The following FOXO1 variants were observed in gnomAD, a reference collection of about 807,000 sequenced individuals.
FOXO1 encodes the protein forkhead box O1.
A neutral mutation model predicts 44.1 loss-of-function variants in FOXO1; 6 were observed. The ratio of observed to expected loss-of-function variants is 0.14; its 90% confidence interval spans 0.07 to 0.27. FOXO1 has a LOEUF of 0.27. Among genes scored for constraint, FOXO1 ranks in the 10% least tolerant of loss-of-function variants. FOXO1 has a pLI of 1.00. For missense variants in FOXO1, 737 were observed against 888.8 expected (o/e 0.83, Z 2.17); for synonymous variants, 380 against 362.7 (o/e 1.05, Z -0.54).
intron 1 of FOXO1, among the ~76,000 whole-genome samples, chr13:40,567,916 C>T (rs551207665): frequency 7.6e-4 from 115 of 151,908 alleles, no homozygotes; most frequent in Middle Eastern, 6.8e-3. Context: ...TGCAGTGAGC[C>T]GAGATCGCAC....
At chr13:40,630,610 G>T (rs1009166447) in intron 1 of FOXO1, among the ~76,000 whole-genome samples, 1 of 151,574 alleles carries the variant, frequency 6.6e-6, no homozygotes, top group Non-Finnish European at 1.5e-5. Flanking sequence ...GGCCGAGATC[G>T]CGCCACTGCA....
intron 1 of FOXO1, among the ~76,000 whole-genome samples, chr13:40,635,496 T>C (rs1383178395): frequency 2.6e-5 from 4 of 152,158 alleles, no homozygotes; most frequent in Non-Finnish European, 5.9e-5. Flanking sequence ...ACTGAGTCAG[T>C]TTTCAAAATA....
chr13:40,604,161 A>G (rs1875913277), intron 1 of FOXO1, among the ~76,000 whole-genome samples: 1 of 152,100 alleles, frequency 6.6e-6, no homozygotes, highest in Non-Finnish European at 1.5e-5. Flanking sequence ...GAATTAGCCT[A>G]AATTTTGCAA....
intron 1 of FOXO1, among the ~76,000 whole-genome samples, chr13:40,642,906 T>C (rs1877396498): frequency 6.6e-6 from 1 of 152,098 alleles, no homozygotes; most frequent in South Asian, 2.1e-4. Context: ...TGAGATCCTC[T>C]CCCAAAAATA....
rs1171060973 is a variant in FOXO1, at chr13:40,619,484, A to C, written c.630+46099T>G. On this transcript the variant is annotated intron_variant, in intron 1 of 2. Transcript: ENST00000379561. ...AGTCGAACAAACTCGAACAGTGGAG[A>C]GTTTCGGTTTAGTTTGGAAATCCAC... The C allele has an allele frequency of 5.4e-6, 7 of 1,298,284 alleles. No individual in the cohort carries two copies. In the East Asian group the frequency reaches 1.6e-4, roughly 31 times the overall value. The allele number at this position is 1,298,284 out of a possible 1,614,324, so 80.4% of individuals were successfully genotyped here.
intron 1 of FOXO1, among the ~76,000 whole-genome samples, chr13:40,612,470 G>C (rs1447192318): frequency 6.6e-6 from 1 of 152,232 alleles, no homozygotes; most frequent in African/African-American, 2.4e-5. Context: ...AGACTTGTGT[G>C]TGTGTTACAC....
intron 1 of FOXO1, among the ~76,000 whole-genome samples, chr13:40,639,227 A>C (rs549606796): frequency 6.6e-6 from 1 of 152,194 alleles, no homozygotes; most frequent in East Asian, 1.9e-4. Context: ...ACAGTTACTA[A>C]GACAATGAAA....
At chr13:40,563,741 A>G (rs1874144324) in intron 1 of FOXO1, among the ~76,000 whole-genome samples, 1 of 152,094 alleles carries the variant, frequency 6.6e-6, no homozygotes, top group Non-Finnish European at 1.5e-5. Flanking sequence ...AAGATCCCCA[A>G]ATTCCTATGG....
intron 1 of FOXO1, among the ~76,000 whole-genome samples, chr13:40,615,499 T>C (rs1288909069): frequency 1.3e-5 from 2 of 151,886 alleles, no homozygotes; most frequent in African/African-American, 2.4e-5. Context: ...ACCACTGCAC[T>C]CTGGGTGACA....
chr13:40,560,517 C>T lies in FOXO1; in HGVS notation c.974G>A (p.Ser325Asn). 1.2e-6 allele frequency: 2 copies of T among 1,614,118 alleles called. No individual in the cohort carries two copies. Among genetic ancestry groups the T allele is most frequent in the South Asian group, 1.1e-5 (1 of 91,076 alleles). Residue 325 changes from serine to asparagine, a missense_variant, in exon 2 of 3, where the codon AGT (serine) becomes AAT (asparagine). Coordinates refer to ENST00000379561, the MANE Select transcript of FOXO1 (RefSeq NM_002015.4). This position sits in a 1 kb window ranked among gnomAD's most constrained non-coding sequence, Gnocchi z 5.1. ...GGTCATAATGGGTGAGAGTCTCCCACTAATAGTACTAGCATTTGAGCTAGT... is the reference window on the plus strand; with the variant it reads ...GGTCATAATGGGTGAGAGTCTCCCATTAATAGTACTAGCATTTGAGCTAGT... ...PRTSSNASTISGRLSPIMTEQ... is the reference protein window; with the variant it reads ...PRTSSNASTINGRLSPIMTEQ...
chr13:40,633,077 T>C (rs956306702), intron 1 of FOXO1, among the ~76,000 whole-genome samples: 16 of 152,160 alleles, frequency 1.1e-4, no homozygotes, highest in African/African-American at 3.9e-4. Context: ...TCACACCCAC[T>C]AGAACGGCTA....
chr13:40,639,861 A>G (rs1390916845), intron 1 of FOXO1, among the ~76,000 whole-genome samples: 1 of 152,252 alleles, frequency 6.6e-6, no homozygotes, highest in Admixed American at 6.5e-5. Flanking sequence ...ATCTTCGAAA[A>G]TAAAACGACT....
intron 1 of FOXO1, among the ~76,000 whole-genome samples, chr13:40,645,331 A>G (rs1877475797): frequency 6.6e-6 from 1 of 152,220 alleles, no homozygotes; most frequent in African/African-American, 2.4e-5. Flanking sequence ...AGACAAACAC[A>G]TACTTACATA....
intron 1 of FOXO1, among the ~76,000 whole-genome samples, chr13:40,586,240 T>C (rs1308438787): frequency 6.6e-6 from 1 of 152,236 alleles, no homozygotes; most frequent in Non-Finnish European, 1.5e-5. Flanking sequence ...TCTTCTATCA[T>C]TGTGTGCATA....
At chr13:40,618,083 A>AT (rs1055971116) in intron 1 of FOXO1, among the ~76,000 whole-genome samples, 32 of 151,114 alleles carry the variant, frequency 2.1e-4, no homozygotes, top group African/African-American at 6.1e-4. Flanking sequence ...AAAACTTTTT[A>AT]TTTTTTTTTG....
chr13:40,581,924 C>T (rs1490096284), intron 1 of FOXO1, among the ~76,000 whole-genome samples: 1 of 152,134 alleles, frequency 6.6e-6, no homozygotes, highest in Non-Finnish European at 1.5e-5. Flanking sequence ...GGGCTTCTGG[C>T]AGGAAAGGTG....
chr13:40,665,528 C>CCCT, intron 1 of FOXO1, 55 bp downstream of exon 1: 4 of 1,319,068 alleles, frequency 3.0e-6, no homozygotes, highest in Non-Finnish European at 3.9e-6. Flanking sequence ...CACAGCTGCG[C>CCCT]CCTCGCCTGA....
intron 1 of FOXO1, among the ~76,000 whole-genome samples, chr13:40,658,024 G>A (rs1338874821): frequency 6.6e-6 from 1 of 152,150 alleles, no homozygotes; most frequent in Admixed American, 6.5e-5. Context: ...TAACTGAGAA[G>A]CCAAGACATA....
chr13:40,663,879 G>C (rs1283591182), intron 1 of FOXO1, among the ~76,000 whole-genome samples: 3 of 152,232 alleles, frequency 2.0e-5, no homozygotes, highest in African/African-American at 7.2e-5. Flanking sequence ...GGATGACACT[G>C]TGTGTAAAAT....
Sources: gnomAD v4.1 joint callset for allele counts (sites outside exome capture counted in the v4.1 genomes callset) on GRCh38, gnomAD v4.1.1 for gene constraint, Gnocchi (gnomAD v3.1) non-coding constraint, MANE v1.5 for transcripts, NCBI Gene and HGNC (gene_info 2026-07-23, HGNC 2026-07-21) for gene names.